The following PNRC2 variants were observed in gnomAD, a reference collection of about 807,000 sequenced individuals.
PNRC2 encodes the protein proline rich nuclear receptor coactivator 2.
Under a neutral mutation model 12.2 loss-of-function variants are expected in PNRC2, and 2 were observed. That is an observed-to-expected ratio of 0.16 (90% CI 0.07 to 0.52). The LOEUF is 0.52. Ranked by LOEUF, PNRC2 falls within the 20% of genes least tolerant of loss-of-function variation. PNRC2 has a pLI of 0.95. For synonymous variants in PNRC2, 44 were observed against 53.9 expected (o/e 0.82, Z 0.80); for missense variants, 115 against 158.4 (o/e 0.73, Z 1.47).
rs1250773112 is a variant in PNRC2, at chr1:23,962,141, A to G, written c.*264A>G. 1.3e-5 allele frequency: 4 copies of G among 312,446 alleles called. No individual in the cohort carries two copies. The East Asian group carries it at 1.9e-4, about 15-fold the overall frequency. 19.4% of individuals were successfully genotyped at this position (312,446 alleles called of 1,614,324 possible). On this transcript the variant is annotated 3_prime_UTR_variant, in exon 3 of 3. Transcript: ENST00000334351. ...AGTGGTAAAGGAATCAGCTTTTTCT[A>G]TTGTTAGGGGAAGACAGTAATTTAT...
Position 23,961,770 on chromosome 1 carries a change from A to G in PNRC2, c.313A>G (p.Ser105Gly). The stretch of plus-strand genomic sequence containing the variant: ...CAAATTTAGTGAGCCGCCATCACCA[A>G]GTGTTCTTCCCAAACCACCAAGCCA... ...GAKFSEPPSP[S>G]VLPKPPSHWV... The change falls in exon 3 of 3, where the codon AGT becomes GGT. Residue 105 changes from serine (S) to glycine (G), a missense_variant. This residue lies in a region of PNRC2 where 17 missense variants were observed against 46.0 expected (regional missense o/e 0.37). Coordinates refer to ENST00000334351, the MANE Select transcript of PNRC2 (RefSeq NM_017761.4). 1.9e-6 allele frequency: 3 copies of G among 1,613,972 alleles called. No individual in the cohort carries two copies. Among genetic ancestry groups the G allele is most frequent in the South Asian group, 1.1e-5 (1 of 91,080 alleles).
rs1381613289 is a variant in PNRC2, at chr1:23,962,687, C to T, written c.*810C>T. The T allele has an allele frequency of 2.4e-5, 4 of 167,128 alleles. No individual in the cohort carries two copies. The East Asian group carries it at 7.7e-4, about 32-fold the overall frequency. 10.4% of individuals were successfully genotyped at this position (167,128 alleles called of 1,614,324 possible). ...AAACTTGTAGCATATGTAAAGTTTT[C>T]TTGGCCTTTATCTTACAAAAATGGA... On this transcript the variant is annotated 3_prime_UTR_variant, in exon 3 of 3. Coordinates refer to ENST00000334351, the MANE Select transcript of PNRC2 (RefSeq NM_017761.4).
rs1269553874 is a variant in PNRC2, at chr1:23,962,508, T to C, written c.*631T>C. On this transcript the variant is annotated 3_prime_UTR_variant, in exon 3 of 3. Transcript: ENST00000334351. ...GAAACAGTATTTAATGGTCACTCAA[T>C]AGCTTTCAAAATACATTTTTGTATT... The C allele has an allele frequency of 1.8e-5, 3 of 166,988 alleles. No homozygotes were observed. Among genetic ancestry groups the C allele is most frequent in the Non-Finnish European group, 4.4e-5 (3 of 68,132 alleles). The allele number at this position is 166,988 out of a possible 1,614,324, so 10.3% of individuals were successfully genotyped here.
chr1:23,960,806 G>T, intron 1 of PNRC2, 123 bp from the exon 2 acceptor site: 1 of 392,768 alleles, frequency 2.5e-6, no homozygotes, highest in Non-Finnish European at 4.5e-6. Flanking sequence ...CATCTTACGA[G>T]AAATTTTCTA....
At position 23,962,150 on chromosome 1, in the gene PNRC2, G is replaced by C. The variant is rs540367512; in HGVS notation, c.*273G>C. ...GGAATCAGCTTTTTCTATTGTTAGG[G>C]GAAGACAGTAATTTATCATTCATGG... On this transcript the variant is annotated 3_prime_UTR_variant, in exon 3 of 3. Coordinates refer to ENST00000334351, the MANE Select transcript of PNRC2 (RefSeq NM_017761.4). The C allele has an allele frequency of 3.4e-6, 1 of 292,586 alleles. No homozygotes were observed. The highest frequency in any genetic ancestry group is 2.2e-5 in the African/African-American group (1 of 45,438). The allele number at this position is 292,586 out of a possible 1,614,324, so 18.1% of individuals were successfully genotyped here.
chr1:23,959,275 G>C (rs1010566734), upstream of PNRC2: 1 of 152,510 alleles, frequency 6.6e-6, no homozygotes, highest in South Asian at 2.1e-4. Context: ...GGGGCTGGAG[G>C]GTGGGGGCAC....
chr1:23,960,275 G>C (rs1641251652), intron 1 of PNRC2, among the ~76,000 whole-genome samples: 1 of 152,226 alleles, frequency 6.6e-6, no homozygotes. Context: ...TGTTTGGAAA[G>C]CTCTCTTACC....
At position 23,961,642 on chromosome 1, in the gene PNRC2, G is replaced by C. The variant is rs1038787424; in HGVS notation, c.185G>C (p.Gly62Ala). The C allele has an allele frequency of 2.9e-5, 47 of 1,613,720 alleles. No individual in the cohort carries two copies. In the Admixed American group the frequency reaches 3.0e-4, roughly 10 times the overall value. The change falls in exon 3 of 3, where the codon GGG becomes GCG. Residue 62 changes from glycine (G) to alanine (A), a missense_variant. Gly to Ala is a moderately conservative substitution (Grantham distance 60). Coordinates refer to ENST00000334351, the MANE Select transcript of PNRC2 (RefSeq NM_017761.4). The stretch of plus-strand genomic sequence containing the variant: ...GCTGCCTGGCAGGCCATGCAAAATG[G>C]GGGGAAGAACAAAAATTTTCCAAAT... The part of the protein sequence containing the change: ...SAAAWQAMQN[G>A]GKNKNFPNNQ...
intron 1 of PNRC2, among the ~76,000 whole-genome samples, chr1:23,960,310 A>G (rs368960119): frequency 3.9e-5 from 6 of 152,366 alleles, no homozygotes; most frequent in African/African-American, 1.2e-4. Flanking sequence ...GGGCTTAACT[A>G]TTTGGTAACT....
chr1:23,960,565 A>ATT (rs1641258526), intron 1 of PNRC2, among the ~76,000 whole-genome samples: 2 of 152,232 alleles, frequency 1.3e-5, no homozygotes, highest in Non-Finnish European at 2.9e-5. Flanking sequence ...GGGAGTTTAA[A>ATT]AACACGGTCT....
upstream of PNRC2, chr1:23,959,750 C>G (rs1219552189): frequency 1.3e-5 from 2 of 152,654 alleles, no homozygotes; most frequent in Non-Finnish European, 2.9e-5. Flanking sequence ...TTCTCATTGG[C>G]CAGGCCCGCG....
intron 1 of PNRC2, 139 bp from the exon 2 acceptor site, chr1:23,960,790 G>T (rs1253332932): frequency 5.2e-6 from 2 of 387,368 alleles, no homozygotes; most frequent in Non-Finnish European, 9.1e-6. Context: ...TAAGGTCAAA[G>T]AAAGCCATCT....
At chr1:23,960,580 A>G (rs1441439892) in intron 1 of PNRC2, among the ~76,000 whole-genome samples, 9 of 152,242 alleles carry the variant, frequency 5.9e-5, no homozygotes, top group African/African-American at 2.2e-4. Flanking sequence ...CGGTCTCTTT[A>G]GAAAATCCGC....
At chr1:23,960,391 A>G (rs991346647) in intron 1 of PNRC2, among the ~76,000 whole-genome samples, 16 of 152,252 alleles carry the variant, frequency 1.1e-4, no homozygotes, top group East Asian at 5.8e-4. Context: ...AGACATTTTT[A>G]TATATTTAAG....
rs1641265856 is a variant in PNRC2 at position 23,960,912 on chromosome 1, A to C, written c.-224-17A>C. On this transcript the variant is annotated splice_polypyrimidine_tract_variant and intron_variant, in intron 1 of 2. Transcript: ENST00000334351. ...CAACGTGTTTTTGAAATAATGAAGT[A>C]ATCTTTACTTTTCTAGCTAGGACTT... The C allele has an allele frequency of 2.5e-6, 1 of 398,724 alleles. No homozygotes were observed. The highest frequency in any genetic ancestry group is 4.4e-6 in the Non-Finnish European group (1 of 226,058). The allele number at this position is 398,724 out of a possible 1,614,324, so 24.7% of individuals were successfully genotyped here. A position where few individuals can be genotyped will look rare whatever the true frequency, so the allele number is the denominator to read the frequency against.
At chr1:23,960,577 T>C (rs1641258735) in intron 1 of PNRC2, among the ~76,000 whole-genome samples, 1 of 152,232 alleles carries the variant, frequency 6.6e-6, no homozygotes, top group Non-Finnish European at 1.5e-5. Context: ...ACACGGTCTC[T>C]TTAGAAAATC....
chr1:23,959,562 G>A (rs1249735475), upstream of PNRC2, among the ~76,000 whole-genome samples: 1 of 152,180 alleles, frequency 6.6e-6, no homozygotes, highest in Admixed American at 6.5e-5. Flanking sequence ...GAGAGCTAGC[G>A]GCCGGGGCCT....
Position 23,961,101 on chromosome 1 carries a change from T to G in PNRC2, c.-52T>G. Reference sequence around the variant, plus strand: ...TGGCAGCAAGGAAGAGGACAGGTAGTGGAGATCCTGCAATCTGAAAAGCAG... The same window carrying G: ...TGGCAGCAAGGAAGAGGACAGGTAGGGGAGATCCTGCAATCTGAAAAGCAG... On this transcript the variant is annotated 5_prime_UTR_variant, in exon 2 of 3. Coordinates refer to ENST00000334351, the MANE Select transcript of PNRC2 (RefSeq NM_017761.4). The G allele has an allele frequency of 2.4e-6, 1 of 415,490 alleles. No homozygotes were observed. The allele number at this position is 415,490 out of a possible 1,614,324, so 25.7% of individuals were successfully genotyped here. A position where few individuals can be genotyped will look rare whatever the true frequency, so the allele number is the denominator to read the frequency against.
In PNRC2 at chr1:23,961,329, A is replaced by C. The variant is rs1323650883; in HGVS notation, c.-18-111A>C. On this transcript the variant is annotated intron_variant, in intron 2 of 2. Transcript: ENST00000334351. Reference sequence around the variant, plus strand: ...AAAGCAGCTGAATAGCCTGTTATTGAGTCTTGTCCAAAATATCTGGAGTTA... The same window carrying C: ...AAAGCAGCTGAATAGCCTGTTATTGCGTCTTGTCCAAAATATCTGGAGTTA... The C allele has an allele frequency of 8.0e-6, 6 of 752,588 alleles. No homozygotes were observed. The Admixed American group carries it at 1.7e-4, about 22-fold the overall frequency. 46.6% of individuals were successfully genotyped at this position (752,588 alleles called of 1,614,324 possible).
Sources: allele counts gnomAD v4.1 joint callset (sites outside exome capture counted in the v4.1 genomes callset), GRCh38; gene constraint gnomAD v4.1.1; regional missense constraint gnomAD v4.1.1; transcripts MANE v1.5; gene names NCBI Gene and HGNC (gene_info 2026-07-23, HGNC 2026-07-21).